The following NBEA variants were observed in gnomAD, a reference collection of about 807,000 sequenced individuals.
NBEA encodes lysosomal-trafficking regulator 2.
NBEA carries 44 observed loss-of-function variants against 343.4 expected under a neutral mutation model. The observed-to-expected ratio is 0.13, with a 90% confidence interval of 0.10 to 0.16. NBEA has a LOEUF of 0.16. NBEA is among the 10% of genes least tolerant of loss of function. The pLI is 1.00. For missense variants in NBEA, 2,555 were observed against 3,631.3 expected, an observed-to-expected ratio of 0.70 and a Z score of 7.62; for synonymous variants, 1,175 against 1,238.7, an observed-to-expected ratio of 0.95 and a Z score of 1.08.
intron 36 of NBEA, among the ~76,000 whole-genome samples, chr13:35,342,378 C>G (rs186413300): frequency 6.6e-6 from 1 of 151,974 alleles, no homozygotes; most frequent in African/African-American, 2.4e-5. Context: ...TTTAAAAATA[C>G]TTTTTAAAAA....
At chr13:35,201,175 G>A (rs2072996409) in intron 31 of NBEA, among the ~76,000 whole-genome samples, 1 of 151,864 alleles carries the variant, frequency 6.6e-6, no homozygotes. Flanking sequence ...TATATTTTAA[G>A]GTCAATTGCT....
chr13:35,386,056 C>T (rs1349847450), intron 38 of NBEA, among the ~76,000 whole-genome samples: 1 of 151,728 alleles, frequency 6.6e-6, no homozygotes, highest in Non-Finnish European at 1.5e-5. Flanking sequence ...TAATAGAAAA[C>T]CTACAATGTT....
intron 6 of NBEA, among the ~76,000 whole-genome samples, chr13:35,055,470 CTTA>C (rs1403967912): frequency 1.3e-5 from 2 of 152,092 alleles, no homozygotes; most frequent in Non-Finnish European, 2.9e-5. Flanking sequence ...CTACCTAAAT[CTTA>C]TTATAAATGC....
intron 38 of NBEA, among the ~76,000 whole-genome samples, chr13:35,361,238 A>G (rs946549093): frequency 6.6e-6 from 1 of 152,080 alleles, no homozygotes; most frequent in African/African-American, 2.4e-5. Context: ...AATATTCTCT[A>G]GAAATGAAGG....
At chr13:35,652,757 C>G (rs1298665722) in intron 53 of NBEA, among the ~76,000 whole-genome samples, 3 of 118,128 alleles carry the variant, frequency 2.5e-5, no homozygotes, top group Non-Finnish European at 4.9e-5. Flanking sequence ...TACAGTGGCG[C>G]GATCTCGGCT....
At chr13:35,262,495 CACACTT>C in intron 34 of NBEA, among the ~76,000 whole-genome samples, 1 of 152,240 alleles carries the variant, frequency 6.6e-6, no homozygotes, top group East Asian at 1.9e-4. Flanking sequence ...AACAAAGGGC[CACACTT>C]ATAAACCTGA....
chr13:35,107,700 A>G (rs2065984104), intron 11 of NBEA, among the ~76,000 whole-genome samples: 2 of 151,962 alleles, frequency 1.3e-5, no homozygotes, highest in Non-Finnish European at 1.5e-5. Context: ...TGACAGTGCC[A>G]GGGAGCATAT....
intron 35 of NBEA, among the ~76,000 whole-genome samples, chr13:35,308,448 A>ATATATATATATATATATATATATATG (rs1364765300): frequency 3.6e-5 from 4 of 112,600 alleles, no homozygotes; most frequent in East Asian, 2.5e-4. Flanking sequence ...CTATATATAT[A>ATATATATATATATATATATATATATG]TATATATATA....
At chr13:35,404,878 A>G (rs1185385999) in intron 38 of NBEA, among the ~76,000 whole-genome samples, 2 of 152,164 alleles carry the variant, frequency 1.3e-5, no homozygotes, top group African/African-American at 4.8e-5. Flanking sequence ...AAAGAAGAAT[A>G]CACAATTAAT....
chr13:35,042,940 G>A (rs959460952), intron 2 of NBEA, among the ~76,000 whole-genome samples: 4 of 151,872 alleles, frequency 2.6e-5, no homozygotes, highest in Admixed American at 6.6e-5. Flanking sequence ...TAGTAAAAGT[G>A]TCACTAAAAG....
At chr13:35,321,660 G>C (rs2038152288) in intron 36 of NBEA, among the ~76,000 whole-genome samples, 1 of 147,466 alleles carries the variant, frequency 6.8e-6, no homozygotes, top group Admixed American at 6.6e-5. Context: ...AGAGCCAGTG[G>C]GCAGGAACAT....
chr13:35,543,877 AT>A (rs1303171731), intron 41 of NBEA, among the ~76,000 whole-genome samples: 1 of 152,056 alleles, frequency 6.6e-6, no homozygotes, highest in African/African-American at 2.4e-5. Context: ...TCAGTCAGAC[AT>A]GGTCTTCCAG....
At chr13:35,055,287 C>T (rs1005428165) in intron 6 of NBEA, among the ~76,000 whole-genome samples, 1 of 152,032 alleles carries the variant, frequency 6.6e-6, no homozygotes, top group Non-Finnish European at 1.5e-5. Context: ...AAGGTTGCTA[C>T]AGAAATCAAA....
intron 39 of NBEA, among the ~76,000 whole-genome samples, chr13:35,439,075 C>T (rs1464413374): frequency 6.6e-6 from 1 of 152,170 alleles, no homozygotes; most frequent in Non-Finnish European, 1.5e-5. Flanking sequence ...TTCCATCTAA[C>T]AGCACATAGT....
At chr13:35,375,705 CAT>C (rs1216005101) in intron 38 of NBEA, among the ~76,000 whole-genome samples, 7 of 152,256 alleles carry the variant, frequency 4.6e-5, no homozygotes, top group African/African-American at 1.4e-4. Context: ...TACATGAAAT[CAT>C]AGCATTTGTG....
At chr13:35,160,167 A>C in intron 22 of NBEA, 135 bp downstream of exon 22, 1 of 815,944 alleles carries the variant, frequency 1.2e-6, no homozygotes, top group South Asian at 2.1e-5. Context: ...TATGGAACTA[A>C]ATAGTGCGGT....
intron 34 of NBEA, among the ~76,000 whole-genome samples, chr13:35,277,646 A>AGG (rs1474339979): frequency 7.5e-5 from 10 of 132,910 alleles, no homozygotes; most frequent in African/African-American, 2.7e-4. Context: ...AAAAAAAAAA[A>AGG]AAGTGGGGGA....
At chr13:35,271,431 A>C (rs1339064023) in intron 34 of NBEA, among the ~76,000 whole-genome samples, 1 of 152,190 alleles carries the variant, frequency 6.6e-6, no homozygotes, top group Non-Finnish European at 1.5e-5. Context: ...AAAATTCCAA[A>C]AATCAGAATG....
At chr13:35,489,703 T>C (rs1188348385) in intron 41 of NBEA, among the ~76,000 whole-genome samples, 1 of 151,890 alleles carries the variant, frequency 6.6e-6, no homozygotes, top group Non-Finnish European at 1.5e-5. Context: ...CAACATTTTA[T>C]GTTTTTGTTT....
Sources: gnomAD v4.1 joint callset for allele counts (sites outside exome capture counted in the v4.1 genomes callset) on GRCh38, gnomAD v4.1.1 for gene constraint, MANE v1.5 for transcripts, NCBI Gene and HGNC (gene_info 2026-07-23, HGNC 2026-07-21) for gene names.